The following ANKRD39 variants were observed in gnomAD, a reference collection of about 807,000 sequenced individuals.
ANKRD39 encodes ankyrin repeat domain 39, also known as ankyrin repeat domain-containing protein 39.
Under a neutral mutation model 20.3 loss-of-function variants are expected in ANKRD39, and 18 were observed. The observed-to-expected ratio is 0.89, with a 90% CI of 0.61 to 1.32. The LOEUF is 1.32. ANKRD39 is among the 40% of genes most tolerant of loss of function. The pLI is 0.00. For synonymous variants in ANKRD39, 106 were observed against 111.9 expected (o/e 0.95, Z 0.33); for missense variants, 243 against 250.7 (o/e 0.97, Z 0.21).
At chr2:96,852,981 G>A (rs1370232596) in intron 3 of ANKRD39, among the ~76,000 whole-genome samples, 1 of 152,162 alleles carries the variant, frequency 6.6e-6, no homozygotes, top group African/African-American at 2.4e-5. Context: ...GGAGCTGGGT[G>A]GGAGGGAAAC....
chr2:96,853,670 T>C, intron 2 of ANKRD39, 66 bp from the exon 3 acceptor site: 1 of 1,504,196 alleles, frequency 6.6e-7, no homozygotes, highest in South Asian at 1.2e-5. Context: ...GGTATAGAGG[T>C]GAGAGCATGG....
At chr2:96,852,434 A>G (rs1308521813) in intron 3 of ANKRD39, among the ~76,000 whole-genome samples, 7 of 139,284 alleles carry the variant, frequency 5.0e-5, no homozygotes, top group Non-Finnish European at 9.2e-5. Context: ...AATTATTAGT[A>G]GGGCCTCTGA....
intron 3 of ANKRD39, among the ~76,000 whole-genome samples, chr2:96,853,084 G>A (rs556465495): frequency 3.9e-5 from 6 of 152,132 alleles, no homozygotes; most frequent in African/African-American, 7.2e-5. Context: ...TGATCACTCC[G>A]GCTAACATAT....
intron 1 of ANKRD39, among the ~76,000 whole-genome samples, chr2:96,854,717 T>C (rs891863373): frequency 6.6e-6 from 1 of 152,188 alleles, no homozygotes; most frequent in Admixed American, 6.5e-5. Context: ...TGAAGTAATG[T>C]TTAAAATGTT....
chr2:96,851,132 T>G (rs1395363344), intron 3 of ANKRD39, among the ~76,000 whole-genome samples: 1 of 151,798 alleles, frequency 6.6e-6, no homozygotes, highest in African/African-American at 2.4e-5. Flanking sequence ...TAGCTGGAAT[T>G]ACAGGTGTGT....
intron 1 of ANKRD39, among the ~76,000 whole-genome samples, chr2:96,855,574 T>C (rs891418859): frequency 8.7e-5 from 13 of 149,756 alleles, no homozygotes; most frequent in Admixed American, 8.7e-4. Flanking sequence ...AATACAAAAA[T>C]TAGCTGGGCT....
intron 3 of ANKRD39, among the ~76,000 whole-genome samples, chr2:96,851,655 C>T (rs1194855240): frequency 9.9e-5 from 15 of 152,146 alleles, no homozygotes; most frequent in Non-Finnish European, 2.2e-4. Flanking sequence ...AGACCCCAAA[C>T]AGGGAATTTC....
intron 3 of ANKRD39, among the ~76,000 whole-genome samples, chr2:96,849,536 G>A (rs928605668): frequency 7.9e-5 from 12 of 152,106 alleles, no homozygotes; most frequent in Admixed American, 1.3e-4. Context: ...TGTAATCCCC[G>A]CTACTCGGGA....
intron 3 of ANKRD39, among the ~76,000 whole-genome samples, chr2:96,852,056 G>GA (rs1007244389): frequency 6.6e-6 from 1 of 151,790 alleles, no homozygotes; most frequent in African/African-American, 2.4e-5. Flanking sequence ...GCTGTTTTTA[G>GA]AAAAATTAGC....
intron 3 of ANKRD39, among the ~76,000 whole-genome samples, chr2:96,851,511 G>A (rs1435564328): frequency 2.6e-5 from 4 of 152,190 alleles, no homozygotes; most frequent in Middle Eastern, 3.4e-3. Flanking sequence ...GCCTGGTCTC[G>A]AACTCCTGGA....
At chr2:96,854,892 G>A (rs2079855387) in intron 1 of ANKRD39, among the ~76,000 whole-genome samples, 4 of 152,166 alleles carry the variant, frequency 2.6e-5, no homozygotes. Flanking sequence ...CCAAAGTGCT[G>A]GGATTACAGG....
rs1034942426 is a variant in ANKRD39, at chr2:96,848,568, T to C, written c.409-124A>G. ...CTCTCTGGGCGCAGTGGCTCACGCC[T>C]GTAATCTCAGCACTTTGGGAGGCCA... On this transcript the variant is annotated intron_variant, in intron 3 of 3. Transcript: ENST00000393537. 7 of 1,287,758 alleles carry C rather than the reference T, an allele frequency of 5.4e-6. No individual in the cohort carries two copies. The African/African-American group carries it at 9.0e-5, about 17-fold the overall frequency. The allele number at this position is 1,287,758 out of a possible 1,614,324, so 79.8% of individuals were successfully genotyped here. A position where few individuals can be genotyped will look rare whatever the true frequency, so the allele number is the denominator to read the frequency against.
At position 96,857,915 on chromosome 2, in the gene ANKRD39, T is replaced by G. The variant is rs1299298929; in HGVS notation, c.73A>C (p.Thr25Pro). 7 of 1,585,048 alleles carry G rather than the reference T, an allele frequency of 4.4e-6. No homozygotes were observed. In the African/African-American group the frequency reaches 9.4e-5, roughly 21 times the overall value. Residue 25 changes from threonine to proline, a missense_variant, in exon 1 of 4, where the codon ACG becomes CCG. Thr to Pro is a conservative substitution (Grantham distance 38). Transcript: ENST00000393537. ...CTCTCGAAGTCCATCTCCTCCAGCG[T>G]CTGCTGTACGCCGAGCACCGCGCTG... ...HPSAVLGVQQ[T>P]LEEMDFERGI...
At position 96,853,535 on chromosome 2, in the gene ANKRD39, C is replaced by T; in HGVS notation, c.274G>A (p.Ala92Thr). The part of the protein sequence containing the change: ...FLLESGAKCD[A>T]QTHGGATALH... ...GCAGTGGCACCCCCGTGGGTCTGGG[C>T]ATCACACTTAGCTCCGCTTTCCAGC... Residue 92 changes from alanine (A) to threonine (T), a missense_variant, in exon 3 of 4, where the codon GCC (alanine) becomes ACC (threonine). By Grantham distance (58) the Ala-to-Thr change is moderately conservative. Transcript: ENST00000393537. The T allele has an allele frequency of 6.2e-7, 1 of 1,613,284 alleles. No individual in the cohort carries two copies.
rs1006968649 is a variant in ANKRD39, at chr2:96,848,135, T to C, written c.*166A>G. ...TCATCTGTCCAGTCTTAAACACTTT[T>C]AGCCACACCAAATCTACTCCCTCGC... On this transcript the variant is annotated 3_prime_UTR_variant, in exon 4 of 4. Coordinates refer to ENST00000393537, the MANE Select transcript of ANKRD39 (RefSeq NM_016466.6). 76 of 834,060 alleles carry C rather than the reference T, an allele frequency of 9.1e-5. 1 individual carries two copies. In the South Asian group the frequency reaches 1.5e-3, roughly 16 times the overall value. The allele number at this position is 834,060 out of a possible 1,614,324, so 51.7% of individuals were successfully genotyped here.
rs768517786 is a variant in ANKRD39 at position 96,854,355 on chromosome 2, C to A, written c.187G>T (p.Ala63Ser). Residue 63 changes from alanine to serine, a missense_variant, in exon 2 of 4, where the codon GCC becomes TCC. By Grantham distance (99) the Ala-to-Ser change is moderately conservative (BLOSUM62 1). Transcript: ENST00000393537. ...TAGCTCACCAGCGCAGTGTAGCCGGCCGAGTCGGGCTGACTTGGGTCCTCG... is the reference window on the plus strand; with the variant it reads ...TAGCTCACCAGCGCAGTGTAGCCGGACGAGTCGGGCTGACTTGGGTCCTCG... ...KAEDPSQPDS[A>S]GYTALHYASR... 1 of 1,614,068 alleles carries A rather than the reference C, an allele frequency of 6.2e-7. No homozygotes were observed. The highest frequency in any genetic ancestry group is 8.5e-7 in the Non-Finnish European group (1 of 1,179,996).
At chr2:96,856,319 C>T (rs1443811308) in intron 1 of ANKRD39, among the ~76,000 whole-genome samples, 2 of 151,726 alleles carry the variant, frequency 1.3e-5, no homozygotes, top group African/African-American at 2.4e-5. Context: ...ACTAAAAATA[C>T]AAAAACTAGC....
At position 96,858,011 on chromosome 2, in the gene ANKRD39, C is replaced by T. The variant is rs1342888513; in HGVS notation, c.-24G>A. On this transcript the variant is annotated 5_prime_UTR_variant, in exon 1 of 4. Transcript: ENST00000393537. ...ATCCCGGCCCCGGCGTCAGTCGATC[C>T]GCCCCGGGTCTCAGGCTCAGCCTCG... The T allele has an allele frequency of 6.6e-7, 1 of 1,508,888 alleles. No homozygotes were observed. The highest frequency in any genetic ancestry group is 1.2e-5 in the South Asian group (1 of 81,496). The allele number at this position is 1,508,888 out of a possible 1,614,324, so 93.5% of individuals were successfully genotyped here. A position where few individuals can be genotyped will look rare whatever the true frequency, so the allele number is the denominator to read the frequency against.
Position 96,854,376 on chromosome 2 carries a change from C to G in ANKRD39, c.166G>C (p.Asp56His). The change falls in exon 2 of 4, where the codon GAC becomes CAC. Residue 56 changes from aspartate (D) to histidine (H), a missense_variant. By Grantham distance (81) the Asp-to-His change is moderately conservative. Transcript: ENST00000393537. ...RVKHLIQKAE[D>H]PSQPDSAGYT... The stretch of plus-strand genomic sequence containing the variant: ...CCGGCCGAGTCGGGCTGACTTGGGT[C>G]CTCGGCCTTCTGGATTAAATGCTTC... 1.9e-6 allele frequency: 3 copies of G among 1,614,130 alleles called. No individual in the cohort carries two copies. The highest frequency in any genetic ancestry group is 2.5e-6 in the Non-Finnish European group (3 of 1,180,028).
Sources: gnomAD v4.1 joint callset for allele counts (sites outside exome capture counted in the v4.1 genomes callset) on GRCh38, gnomAD v4.1.1 for gene constraint, MANE v1.5 for transcripts, NCBI Gene and HGNC (gene_info 2026-07-23, HGNC 2026-07-21) for gene names.